Variants in PCDHA8 observed in about 807,000 individuals in gnomAD.
The protein encoded by PCDHA8 is protocadherin alpha 8.
In PCDHA8, 53 loss-of-function variants were observed where a neutral mutation model predicts 61.8. The ratio of observed to expected loss-of-function variants is 0.86; its 90% CI spans 0.69 to 1.08. The LOEUF (loss-of-function observed/expected upper bound fraction) is 1.08, where lower values mean the gene tolerates loss of function less well. PCDHA8 is among the 50% of genes least tolerant of loss of function. PCDHA8 has a pLI of 0.00. For synonymous variants in PCDHA8, 618 were observed against 556.6 expected (o/e 1.11, Z -1.55); for missense variants, 1,293 against 1,245.0 (o/e 1.04, Z -0.58).
intron 1 of PCDHA8, chr5:140,968,996 G>T: frequency 1.2e-6 from 2 of 1,614,202 alleles, no homozygotes; most frequent in Non-Finnish European, 1.7e-6. Flanking sequence ...ATGCTGTGGA[G>T]GCTTCTGTGG....
intron 1 of PCDHA8, among the ~76,000 whole-genome samples, chr5:140,917,083 T>C (rs2077876290): frequency 6.6e-6 from 1 of 152,078 alleles, no homozygotes; most frequent in South Asian, 2.1e-4. Flanking sequence ...TAATGTAAAG[T>C]TCCCCAGTTG....
At chr5:140,877,141 G>T (rs1554169360) in intron 1 of PCDHA8, 2 of 1,613,680 alleles carry the variant, frequency 1.2e-6, no homozygotes, top group African/African-American at 1.3e-5. Flanking sequence ...GTTCGTGCTG[G>T]ACGAGAACGA....
chr5:140,876,791 G>C lies in PCDHA8; in HGVS notation c.2394+33076G>C, dbSNP rs782617794. 4.3e-6 allele frequency: 7 copies of C among 1,614,242 alleles called. No homozygotes were observed. The Admixed American group carries it at 1.2e-4, about 27-fold the overall frequency. On this transcript the variant is annotated intron_variant, in intron 1 of 3. Coordinates refer to ENST00000531613, the MANE Select transcript of PCDHA8 (RefSeq NM_018911.3). ...TCGCCTTCGCTGTGGGCCACGGCTA[G>C]AGTGTCCGTGGAGGTGGCCGACGTG...
Position 140,871,201 on chromosome 5 carries a change from A to G in PCDHA8, c.2394+27486A>G, listed in dbSNP as rs561860727. ...GCTGGTGGATGTCAACGTGTACCTGATCATCGCCATCTGCGTGGTGTCCAG... is the reference window on the plus strand; with the variant it reads ...GCTGGTGGATGTCAACGTGTACCTGGTCATCGCCATCTGCGTGGTGTCCAG... On this transcript the variant is annotated intron_variant, in intron 1 of 3. Coordinates refer to ENST00000531613, the MANE Select transcript of PCDHA8 (RefSeq NM_018911.3). The G allele has an allele frequency of 3.3e-5, 54 of 1,613,672 alleles. 1 individual carries two copies. The Admixed American group carries it at 7.2e-4, about 21-fold the overall frequency.
chr5:140,868,262 C>T (rs904607540), intron 1 of PCDHA8: 10 of 151,822 alleles, frequency 6.6e-5, no homozygotes, highest in African/African-American at 2.4e-4. Flanking sequence ...TTTGTGGATT[C>T]TTTTTTAAAA....
At chr5:140,948,447 A>G (rs2094256090) in intron 1 of PCDHA8, among the ~76,000 whole-genome samples, 1 of 151,282 alleles carries the variant, frequency 6.6e-6, no homozygotes, top group Non-Finnish European at 1.5e-5. Flanking sequence ...TGTGCCAGGG[A>G]TTTTCTTTTA....
chr5:140,882,136 A>T (rs2058967821), intron 1 of PCDHA8: 14 of 1,486,890 alleles, frequency 9.4e-6, no homozygotes, highest in Non-Finnish European at 1.3e-5. Context: ...TCCTGCAGAA[A>T]ATATAGCAGA....
chr5:140,982,561 C>G lies in PCDHA8; in HGVS notation c.2540C>G (p.Pro847Arg), dbSNP rs560422677. ...QQWPTVSSAT[P>R]EPEAGEVSPP... The stretch of plus-strand genomic sequence containing the variant: ...TGGCCAACAGTATCCAGTGCAACAC[C>G]AGGTAAAGAGCTGGGGTCTCTCCAT... The change falls in exon 3 of 4, where the codon CCA (proline) becomes CGA (arginine). Residue 847 changes from proline (P) to arginine (R), a missense_variant and splice_region_variant. By Grantham distance (103) the Pro-to-Arg change is moderately radical. Coordinates refer to ENST00000531613, the MANE Select transcript of PCDHA8 (RefSeq NM_018911.3). The G allele has an allele frequency of 6.2e-7, 1 of 1,614,060 alleles. No individual in the cohort carries two copies. Among genetic ancestry groups the G allele is most frequent in the African/African-American group, 1.3e-5 (1 of 75,052 alleles).
At chr5:140,965,033 T>C (rs1563339344) in intron 1 of PCDHA8, among the ~76,000 whole-genome samples, 2 of 152,192 alleles carry the variant, frequency 1.3e-5, no homozygotes, top group African/African-American at 4.8e-5. Flanking sequence ...CCTTTAACTG[T>C]CCGCTCTAGG....
In PCDHA8 at chr5:140,842,691, A is replaced by C; in HGVS notation, c.1370A>C (p.Gln457Pro). 3 of 1,595,350 alleles carry C rather than the reference A, an allele frequency of 1.9e-6. No homozygotes were observed. Among genetic ancestry groups the C allele is most frequent in the Non-Finnish European group, 2.6e-6 (3 of 1,165,538 alleles). ...AACGACAATGCTCCGGCGTTCGCGC[A>C]GCCCGAGTACACGGTGTTCGTGAAG... ...DVNDNAPAFA[Q>P]PEYTVFVKEN... The change falls in exon 1 of 4, where the codon CAG becomes CCG. Residue 457 changes from glutamine to proline, a missense_variant. By Grantham distance (76) the Gln-to-Pro change is moderately conservative. Transcript: ENST00000531613.
chr5:140,850,299 G>A, intron 1 of PCDHA8: 1 of 1,596,610 alleles, frequency 6.3e-7, no homozygotes, highest in Non-Finnish European at 8.6e-7. Flanking sequence ...CGCCGACTCG[G>A]GCTACAACGC....
In PCDHA8 at chr5:140,941,764, A is replaced by G. The variant is rs116374830; in HGVS notation, c.2395-37185A>G. 5.7e-3 allele frequency among the ~76,000 whole-genome samples: 869 copies of G among 152,306 alleles called. 7 individuals are homozygous for G. Among genetic ancestry groups the G allele is most frequent in the African/African-American group, 0.018 (768 of 41,560 alleles). ...TTATCAGATTTTCAGTGCTTTTAAG[A>G]TAATTGTTTTAATGTTTTACCCAAG... On this transcript the variant is annotated intron_variant, in intron 1 of 3. Coordinates refer to ENST00000531613, the MANE Select transcript of PCDHA8 (RefSeq NM_018911.3).
rs2096607447 is a variant in PCDHA8, at chr5:140,973,909, C to T, written c.2395-5040C>T. 2.0e-5 allele frequency among the ~76,000 whole-genome samples: 3 copies of T among 152,194 alleles called. 1 individual carries two copies. The highest frequency in any genetic ancestry group is 2.0e-4 in the Admixed American group (3 of 15,280). On this transcript the variant is annotated intron_variant, in intron 1 of 3. Coordinates refer to ENST00000531613, the MANE Select transcript of PCDHA8 (RefSeq NM_018911.3). ...ATTTGCAAATGTTTGAGGAAACATT[C>T]CTGTCACCAAACCCAGAGGTTTAGC...
chr5:140,883,256 A>G, intron 1 of PCDHA8: 2 of 1,614,146 alleles, frequency 1.2e-6, no homozygotes, highest in Non-Finnish European at 1.7e-6. Flanking sequence ...AAATATTCCA[A>G]TGGCGGGTCA....
intron 1 of PCDHA8, among the ~76,000 whole-genome samples, chr5:140,891,471 C>T (rs1239816606): frequency 6.6e-6 from 1 of 151,474 alleles, no homozygotes; most frequent in Non-Finnish European, 1.5e-5. Flanking sequence ...GAATTAATGC[C>T]TTTACATCAC....
chr5:140,883,451 T>A (rs2153394032), intron 1 of PCDHA8: 1 of 1,614,144 alleles, frequency 6.2e-7, no homozygotes, highest in Non-Finnish European at 8.5e-7. Context: ...GCATGTCCCC[T>A]TCAAGCTGGT....
At chr5:140,895,843 C>G (rs574376494) in intron 1 of PCDHA8, among the ~76,000 whole-genome samples, 1 of 152,232 alleles carries the variant, frequency 6.6e-6, no homozygotes, top group East Asian at 1.9e-4. Context: ...CAAAGTCTCA[C>G]TCTTGTACCC....
At chr5:140,972,132 A>C (rs1412850121) in intron 1 of PCDHA8, among the ~76,000 whole-genome samples, 9 of 152,062 alleles carry the variant, frequency 5.9e-5, no homozygotes, top group African/African-American at 2.2e-4. Context: ...TCAGTGAGTT[A>C]CTACTATTTT....
chr5:140,841,728 A>G lies in PCDHA8; in HGVS notation c.407A>G (p.Lys136Arg), dbSNP rs1777450155. The G allele has an allele frequency of 1.9e-6, 3 of 1,613,768 alleles. No individual in the cohort carries two copies. Among genetic ancestry groups the G allele is most frequent in the Admixed American group, 3.3e-5 (2 of 59,980 alleles). ...GACAACCCGCCAGTGTTCCGGGTAA[A>G]AGACCAAAAGCTGTTTGTTTCAGAA... ...VNDNPPVFRV[K>R]DQKLFVSESR... Residue 136 changes from lysine (K) to arginine (R), a missense_variant, in exon 1 of 4, where the codon AAA becomes AGA. Lys to Arg is a conservative substitution (Grantham distance 26). Coordinates refer to ENST00000531613, the MANE Select transcript of PCDHA8 (RefSeq NM_018911.3).
Sources: allele counts gnomAD v4.1 joint callset (sites outside exome capture counted in the v4.1 genomes callset), GRCh38; gene constraint gnomAD v4.1.1; transcripts MANE v1.5; gene names NCBI Gene and HGNC (gene_info 2026-07-23, HGNC 2026-07-21).